MYO3A: variants seen among roughly 807,000 people sequenced by gnomAD.
MYO3A encodes the protein myosin IIIA.
Under a neutral mutation model 192.7 loss-of-function variants are expected in MYO3A, and 180 were observed. That is an observed-to-expected ratio of 0.93 (90% CI 0.83 to 1.06). MYO3A has a LOEUF of 1.06. Among genes scored for constraint, MYO3A ranks in the 50% least tolerant of loss-of-function variants. The probability of loss-of-function intolerance (pLI) is 0.00; values close to 1 mark genes in which losing one functional copy is unlikely to be tolerated. For synonymous variants in MYO3A, 628 were observed against 645.3 expected (o/e 0.97, Z 0.41); for missense variants, 1,896 against 1,905.0 (o/e 1.00, Z 0.09).
At chr10:26,085,627 A>G (rs1388574758) in intron 14 of MYO3A, among the ~76,000 whole-genome samples, 2 of 152,124 alleles carry the variant, frequency 1.3e-5, no homozygotes, top group Non-Finnish European at 2.9e-5. Flanking sequence ...ACCTCACCTG[A>G]GATGTGTGGT....
chr10:26,075,185 A>G (rs935888399), intron 14 of MYO3A, among the ~76,000 whole-genome samples: 5 of 152,086 alleles, frequency 3.3e-5, no homozygotes, highest in Admixed American at 1.3e-4. Context: ...TGATGGCTCT[A>G]AATTTTTCTT....
Position 26,088,305 on chromosome 10 carries a change from G to T in MYO3A, c.1462G>T (p.Gly488Ter). The T allele has an allele frequency of 6.2e-7, 1 of 1,613,780 alleles. No homozygotes were observed. Among genetic ancestry groups the T allele is most frequent in the South Asian group, 1.1e-5 (1 of 91,076 alleles). Residue 488 changes from glycine to a stop codon, truncating the protein, a stop_gained, in exon 15 of 35, where the codon GGA becomes TGA. Coordinates refer to ENST00000642920, the MANE Select transcript of MYO3A (RefSeq NM_017433.5). LOFTEE classifies it high-confidence loss of function. ...TIINDNSSRF[G>*]KYLEMKFTSS... ...TATAAATGACAATTCTAGCAGATTT[G>T]GAAAATACTTAGAAATGAAATTCAC...
intron 17 of MYO3A, among the ~76,000 whole-genome samples, chr10:26,107,824 AAAAC>A (rs1837919447): frequency 6.6e-6 from 1 of 152,138 alleles, no homozygotes; most frequent in Admixed American, 6.5e-5. Context: ...AGAGAAAGGC[AAAAC>A]CACAACAGCT....
At chr10:25,948,409 A>T (rs186114487) in intron 2 of MYO3A, among the ~76,000 whole-genome samples, 20 of 152,302 alleles carry the variant, frequency 1.3e-4, no homozygotes, top group Non-Finnish European at 2.8e-4. Flanking sequence ...CATTTCAAAA[A>T]TGTAGCTTTG....
rs768182699 is a variant in MYO3A, at chr10:26,211,965, C to A, written c.*2C>A. 11 of 1,610,484 alleles carry A rather than the reference C, an allele frequency of 6.8e-6. No homozygotes were observed. The Admixed American group carries it at 1.7e-4, about 24-fold the overall frequency. ...CGGCGCCTCGTCCAGCAGTCCTAAC[C>A]GTTCAACGAGGCAGTCACCGCCGTC... On this transcript the variant is annotated 3_prime_UTR_variant, in exon 35 of 35. Coordinates refer to ENST00000642920, the MANE Select transcript of MYO3A (RefSeq NM_017433.5).
chr10:25,949,212 T>A (rs1837049298), intron 2 of MYO3A, among the ~76,000 whole-genome samples: 1 of 152,140 alleles, frequency 6.6e-6, no homozygotes, highest in South Asian at 2.1e-4. Context: ...CCAAAACTCA[T>A]AAAAATACTT....
chr10:26,082,469 T>C (rs1036563658), intron 14 of MYO3A, among the ~76,000 whole-genome samples: 3 of 152,204 alleles, frequency 2.0e-5, no homozygotes. Context: ...TTCTAACAGT[T>C]ATTTTTTTGG....
chr10:26,071,028 T>A (rs1835174244), intron 14 of MYO3A, among the ~76,000 whole-genome samples: 1 of 151,920 alleles, frequency 6.6e-6, no homozygotes, highest in Non-Finnish European at 1.5e-5. Flanking sequence ...ACAGGATTTT[T>A]TTTTTGGTGG....
chr10:25,938,669 A>G (rs1303902987), intron 2 of MYO3A, among the ~76,000 whole-genome samples: 1 of 152,208 alleles, frequency 6.6e-6, no homozygotes, highest in Non-Finnish European at 1.5e-5. Flanking sequence ...CAGAATATAC[A>G]TGATGAATGT....
intron 14 of MYO3A, among the ~76,000 whole-genome samples, chr10:26,081,173 G>A (rs954287588): frequency 2.2e-5 from 3 of 138,190 alleles, no homozygotes; most frequent in African/African-American, 8.3e-5. Flanking sequence ...GGGTAGGGAA[G>A]GACCGTCAGG....
intron 4 of MYO3A, among the ~76,000 whole-genome samples, chr10:25,984,503 C>T (rs530547741): frequency 6.6e-4 from 101 of 152,308 alleles, no homozygotes; most frequent in African/African-American, 1.9e-3. Flanking sequence ...TCCAGCCTCC[C>T]GATACAATAA....
At chr10:26,206,855 C>T (rs1039265567) in intron 34 of MYO3A, among the ~76,000 whole-genome samples, 6 of 152,190 alleles carry the variant, frequency 3.9e-5, no homozygotes, top group Non-Finnish European at 7.4e-5. Context: ...CCCACCTTTG[C>T]GAACATTTGT....
At chr10:25,961,309 A>T (rs1837915761) in intron 4 of MYO3A, among the ~76,000 whole-genome samples, 1 of 152,114 alleles carries the variant, frequency 6.6e-6, no homozygotes, top group Admixed American at 6.6e-5. Context: ...TGCCTATTAA[A>T]TCCCTATTCT....
At chr10:26,178,593 A>G (rs1842450066) in intron 31 of MYO3A, among the ~76,000 whole-genome samples, 1 of 151,574 alleles carries the variant, frequency 6.6e-6, no homozygotes, top group African/African-American at 2.4e-5. Context: ...AACAACAACA[A>G]CAAGGGACAA....
intron 22 of MYO3A, among the ~76,000 whole-genome samples, chr10:26,145,927 T>A (rs1840437216): frequency 6.6e-6 from 1 of 152,248 alleles, no homozygotes; most frequent in African/African-American, 2.4e-5. Context: ...AATGGTTACC[T>A]ATTTGTTTCC....
chr10:25,963,097 T>C (rs1190405750), intron 4 of MYO3A, among the ~76,000 whole-genome samples: 1 of 152,222 alleles, frequency 6.6e-6, no homozygotes, highest in African/African-American at 2.4e-5. Flanking sequence ...TTCATTTGAA[T>C]TGGTCCTGAT....
intron 25 of MYO3A, among the ~76,000 whole-genome samples, chr10:26,155,478 A>T (rs1269174214): frequency 6.6e-6 from 1 of 152,208 alleles, no homozygotes; most frequent in East Asian, 1.9e-4. Context: ...CCTATTAACC[A>T]TCCAATGAAA....
At chr10:26,138,279 C>A (rs1171262586) in intron 20 of MYO3A, among the ~76,000 whole-genome samples, 2 of 152,204 alleles carry the variant, frequency 1.3e-5, no homozygotes, top group Non-Finnish European at 2.9e-5. Flanking sequence ...TATCAGCCAG[C>A]TGACACTTAT....
intron 33 of MYO3A, among the ~76,000 whole-genome samples, chr10:26,202,442 T>C (rs1843719471): frequency 6.6e-6 from 1 of 152,202 alleles, no homozygotes; most frequent in Non-Finnish European, 1.5e-5. Context: ...GTGTATGTCA[T>C]GTGTGGGTGT....
Sources: gnomAD v4.1 joint callset for allele counts (sites outside exome capture counted in the v4.1 genomes callset) on GRCh38, gnomAD v4.1.1 for gene constraint, MANE v1.5 for transcripts, NCBI Gene and HGNC (gene_info 2026-07-23, HGNC 2026-07-21) for gene names.